Variants in PPFIA2 observed in about 807,000 individuals in gnomAD.
PPFIA2 encodes the protein PPFI scaffold protein A2, also known as liprin-alpha-2.
A neutral mutation model predicts 175.5 loss-of-function variants in PPFIA2; 46 were observed. The observed-to-expected ratio is 0.26, with a 90% CI of 0.21 to 0.34. PPFIA2 has a LOEUF of 0.34. Ranked by LOEUF, PPFIA2 falls within the 10% of genes least tolerant of loss-of-function variation. The pLI, the probability that PPFIA2 is intolerant of heterozygous loss-of-function variation, is 1.00. For missense variants in PPFIA2, 1,179 were observed against 1,506.1 expected (o/e 0.78, Z 3.60); for synonymous variants, 568 against 511.4 (o/e 1.11, Z -1.49).
At chr12:81,445,524 AGTT>A (rs772101334) in intron 6 of PPFIA2, 29 bp downstream of exon 6, 1 of 1,597,728 alleles carries the variant, frequency 6.3e-7, no homozygotes, top group South Asian at 1.1e-5. Flanking sequence ...ACAGAAGTGT[AGTT>A]AAGCTTGAAC....
At position 81,394,206 on chromosome 12, in the gene PPFIA2, A is replaced by T. The variant is rs187802796; in HGVS notation, c.763-9962T>A. The stretch of plus-strand genomic sequence containing the variant: ...TCCTTTTTGGTCTGATCAAGTTTTG[A>T]AAGTTTTTAGATAACTTAGGCAGAA... On this transcript the variant is annotated intron_variant, in intron 8 of 32. Transcript: ENST00000549396. Among the ~76,000 whole-genome samples the T allele has an allele frequency of 2.2e-4, 33 of 152,134 alleles. No individual in the cohort carries two copies. The East Asian group carries it at 5.8e-3, about 27-fold the overall frequency.
chr12:81,651,104 T>A (rs1311298643), intron 4 of PPFIA2, among the ~76,000 whole-genome samples: 1 of 152,180 alleles, frequency 6.6e-6, no homozygotes. Context: ...TGTACTAATT[T>A]GAGGAATCTG....
intron 5 of PPFIA2, among the ~76,000 whole-genome samples, chr12:81,449,764 A>T (rs1252893707): frequency 6.7e-6 from 1 of 149,688 alleles, no homozygotes; most frequent in Non-Finnish European, 1.5e-5. Flanking sequence ...CATTAGGTAT[A>T]TCTCCTAATG....
At chr12:81,741,868 G>C (rs1302684980) in intron 3 of PPFIA2, among the ~76,000 whole-genome samples, 1 of 152,184 alleles carries the variant, frequency 6.6e-6, no homozygotes, top group African/African-American at 2.4e-5. Context: ...GTAGAGAAGA[G>C]AGGTTGGGTG....
chr12:81,368,778 T>C lies in PPFIA2; in HGVS notation c.1429A>G (p.Asn477Asp), dbSNP rs2034279300. The change falls in exon 13 of 33, where the codon AAT (asparagine) becomes GAT (aspartate). Residue 477 changes from asparagine (N) to aspartate (D), a missense_variant. Physicochemically the swap from Asn to Asp is conservative, Grantham distance 23. Around this residue, in one of 10 missense-constraint regions of PPFIA2, gnomAD observed 66 missense variants for 129.4 expected, o/e 0.51. Coordinates refer to ENST00000549396, the MANE Select transcript of PPFIA2 (RefSeq NM_003625.5). ...TTTAAGTGTAGTTGTAGGCGTTCAT[T>C]GGATTCAGTCAGAAGTCTATCAACC... The part of the protein sequence containing the change: ...DTVDRLLTES[N>D]ERLQLHLKER... The C allele has an allele frequency of 6.2e-7, 1 of 1,610,858 alleles. No individual in the cohort carries two copies. Among genetic ancestry groups the C allele is most frequent in the East Asian group, 2.2e-5 (1 of 44,736 alleles).
intron 8 of PPFIA2, among the ~76,000 whole-genome samples, chr12:81,402,586 G>T (rs914404064): frequency 3.3e-5 from 5 of 152,134 alleles, no homozygotes; most frequent in African/African-American, 1.2e-4. Flanking sequence ...GAGCACGGTG[G>T]CTCACACCTG....
chr12:81,721,858 G>A (rs1357959491), intron 3 of PPFIA2, among the ~76,000 whole-genome samples: 2 of 150,826 alleles, frequency 1.3e-5, no homozygotes, highest in African/African-American at 2.4e-5. Context: ...AAAAAACAAG[G>A]TAATAATAAC....
intron 7 of PPFIA2, 109 bp from the exon 8 acceptor site, chr12:81,406,012 C>A (rs1592491828): frequency 3.6e-6 from 2 of 560,736 alleles, no homozygotes; most frequent in South Asian, 2.7e-5. Context: ...TAACAAATAA[C>A]CAGAAAGTGA....
chr12:81,715,905 T>TAATA lies in PPFIA2; in HGVS notation c.249+38064_249+38067dup, dbSNP rs368055462. Among the ~76,000 whole-genome samples, 358 of 151,734 alleles carry TAATA rather than the reference T, an allele frequency of 2.4e-3. 2 individuals carry two copies. The highest frequency in any genetic ancestry group is 8.4e-3 in the African/African-American group (348 of 41,504). ...ATAGTTTCTTACAAATGACTGACCT[T>TAATA]AATAAACAATTTTTTTAAATTTTAA... On this transcript the variant is annotated intron_variant, in intron 3 of 32. Transcript: ENST00000549396.
At chr12:81,715,097 A>G (rs183751145) in intron 3 of PPFIA2, among the ~76,000 whole-genome samples, 2 of 151,144 alleles carry the variant, frequency 1.3e-5, no homozygotes, top group Admixed American at 6.8e-5. Context: ...AAAGAAATAG[A>G]TGTACTCCTT....
chr12:81,596,960 G>A (rs2059313278), intron 4 of PPFIA2, among the ~76,000 whole-genome samples: 1 of 152,116 alleles, frequency 6.6e-6, no homozygotes, highest in Non-Finnish European at 1.5e-5. Context: ...GCAAAGGCAA[G>A]AGACTTATAA....
intron 4 of PPFIA2, among the ~76,000 whole-genome samples, chr12:81,470,531 TAG>T (rs1473439163): frequency 6.6e-6 from 1 of 152,172 alleles, no homozygotes; most frequent in Non-Finnish European, 1.5e-5. Context: ...CGGTAAAACA[TAG>T]AGTTATCGTA....
intron 4 of PPFIA2, among the ~76,000 whole-genome samples, chr12:81,649,075 T>C (rs1004652763): frequency 8.5e-5 from 13 of 152,128 alleles, no homozygotes; most frequent in African/African-American, 2.9e-4. Context: ...AAAATTTCTA[T>C]ATAGGCCTCA....
At chr12:81,442,373 A>G (rs1367319215) in intron 6 of PPFIA2, among the ~76,000 whole-genome samples, 1 of 152,052 alleles carries the variant, frequency 6.6e-6, no homozygotes, top group Non-Finnish European at 1.5e-5. Flanking sequence ...TCACTCCTAC[A>G]ACAGAAAATA....
intron 24 of PPFIA2, among the ~76,000 whole-genome samples, chr12:81,287,944 G>T (rs969076675): frequency 5.9e-5 from 9 of 151,798 alleles, no homozygotes; most frequent in Non-Finnish European, 1.2e-4. Context: ...TCTACTCACT[G>T]CCCTTGGTAG....
intron 7 of PPFIA2, among the ~76,000 whole-genome samples, chr12:81,434,881 T>C (rs1210823702): frequency 6.6e-6 from 1 of 152,178 alleles, no homozygotes; most frequent in Non-Finnish European, 1.5e-5. Context: ...ATATGGTATA[T>C]ATACTTGCAA....
intron 4 of PPFIA2, among the ~76,000 whole-genome samples, chr12:81,650,317 T>C (rs950284669): frequency 6.6e-6 from 1 of 152,176 alleles, no homozygotes; most frequent in African/African-American, 2.4e-5. Context: ...CAAAATTGTG[T>C]ATTTTTAAAA....
At chr12:81,611,132 G>A (rs965639044) in intron 4 of PPFIA2, among the ~76,000 whole-genome samples, 1 of 152,146 alleles carries the variant, frequency 6.6e-6, no homozygotes, top group Non-Finnish European at 1.5e-5. Flanking sequence ...CGCTCACCAT[G>A]TCTGCTCTCG....
At chr12:81,454,951 C>T (rs970460319) in intron 5 of PPFIA2, among the ~76,000 whole-genome samples, 1 of 152,124 alleles carries the variant, frequency 6.6e-6, no homozygotes, top group Admixed American at 6.6e-5. Context: ...TGGATTCAAG[C>T]GATTATCCTA....
Sources: allele counts gnomAD v4.1 joint callset (sites outside exome capture counted in the v4.1 genomes callset), GRCh38; gene constraint gnomAD v4.1.1; regional missense constraint gnomAD v4.1.1; transcripts MANE v1.5; gene names NCBI Gene and HGNC (gene_info 2026-07-23, HGNC 2026-07-21).